NRXN3: variants seen among roughly 807,000 people sequenced by gnomAD.
The protein encoded by NRXN3 is neurexin 3.
In NRXN3, 32 loss-of-function variants were observed where a neutral mutation model predicts 137.6. The observed-to-expected ratio is 0.23, with a 90% CI of 0.18 to 0.31. NRXN3 has a LOEUF of 0.31. NRXN3 is among the 10% of genes least tolerant of loss of function. The pLI, the probability that NRXN3 is intolerant of heterozygous loss-of-function variation, is 1.00. For missense variants in NRXN3, 1,574 were observed against 2,062.5 expected (o/e 0.76, Z 4.59); for synonymous variants, 798 against 784.5 (o/e 1.02, Z -0.29).
intron 4 of NRXN3, among the ~76,000 whole-genome samples, chr14:78,302,106 A>G (rs1439074853): frequency 6.6e-6 from 1 of 152,162 alleles, no homozygotes; most frequent in African/African-American, 2.4e-5. Context: ...CTAGGACTCA[A>G]CTTTTCTGAT....
At chr14:79,151,242 T>C (rs372891525) in intron 15 of NRXN3, among the ~76,000 whole-genome samples, 15 of 152,096 alleles carry the variant, frequency 9.9e-5, no homozygotes, top group Middle Eastern at 3.4e-3. Flanking sequence ...GTGAGGTAAA[T>C]CTTCAGATTA....
At chr14:79,478,359 A>G (rs1476815923) in intron 16 of NRXN3, among the ~76,000 whole-genome samples, 2 of 151,964 alleles carry the variant, frequency 1.3e-5, no homozygotes, top group Non-Finnish European at 2.9e-5. Context: ...GTTGTTCCAG[A>G]GCTGTTTTTT....
chr14:79,829,464 A>G (rs953655729), intron 20 of NRXN3, among the ~76,000 whole-genome samples: 11 of 152,212 alleles, frequency 7.2e-5, no homozygotes, highest in Non-Finnish European at 1.5e-4. Context: ...TGCTGATTGC[A>G]TTGTGTAGGA....
At chr14:78,605,802 C>T (rs1387180568) in intron 4 of NRXN3, among the ~76,000 whole-genome samples, 2 of 152,126 alleles carry the variant, frequency 1.3e-5, no homozygotes, top group Non-Finnish European at 2.9e-5. Flanking sequence ...CTTCAGTTTT[C>T]ATTGGTGTAC....
chr14:78,526,046 G>A (rs1269065373), intron 4 of NRXN3, among the ~76,000 whole-genome samples: 1 of 152,192 alleles, frequency 6.6e-6, no homozygotes, highest in Non-Finnish European at 1.5e-5. Flanking sequence ...CAGGCCACAT[G>A]ATTGTGGGTC....
rs547229103 is a variant in NRXN3 at position 79,721,697 on chromosome 14, G to A, written c.4014+23760G>A. On this transcript the variant is annotated intron_variant, in intron 19 of 20. Coordinates refer to ENST00000335750, the MANE Select transcript of NRXN3 (RefSeq NM_001330195.2). ...AAGTGGCTGGCTATAAGCAAAGCAA[G>A]GGATTACTTAGGTAATTGGATTAAA... Among the ~76,000 whole-genome samples the A allele has an allele frequency of 3.7e-4, 57 of 152,274 alleles. 1 individual carries two copies. The highest frequency in any genetic ancestry group is 1.3e-3 in the African/African-American group (54 of 41,572).
intron 20 of NRXN3, among the ~76,000 whole-genome samples, chr14:79,848,923 A>G (rs2099386122): frequency 1.3e-5 from 2 of 152,222 alleles, no homozygotes; most frequent in East Asian, 3.8e-4. Flanking sequence ...TGGGTTCAGA[A>G]GAGCTAAAAC....
chr14:79,711,321 A>ATTGCTCAAAGC (rs1567973423), intron 19 of NRXN3, among the ~76,000 whole-genome samples: 1 of 152,182 alleles, frequency 6.6e-6, no homozygotes, highest in Admixed American at 6.5e-5. Flanking sequence ...TACTAGTTTC[A>ATTGCTCAAAGC]TTGCTCAAAG....
intron 15 of NRXN3, among the ~76,000 whole-genome samples, chr14:79,237,423 T>G (rs372911415): frequency 1.3e-5 from 2 of 151,778 alleles, no homozygotes; most frequent in African/African-American, 4.8e-5. Context: ...AAAATGCAAA[T>G]GAATACAACC....
At chr14:78,676,886 C>T (rs747367256) in intron 6 of NRXN3, among the ~76,000 whole-genome samples, 33 of 152,108 alleles carry the variant, frequency 2.2e-4, no homozygotes, top group Non-Finnish European at 3.7e-4. Flanking sequence ...TGCCTGTACT[C>T]TGTAAGTTGA....
At chr14:79,501,779 G>T (rs938939837) in intron 16 of NRXN3, among the ~76,000 whole-genome samples, 38 of 151,720 alleles carry the variant, frequency 2.5e-4, no homozygotes, top group African/African-American at 8.5e-4. Context: ...CGAGGTCAGG[G>T]ACTCTAAAAC....
chr14:79,392,324 T>G (rs774377151), intron 15 of NRXN3, among the ~76,000 whole-genome samples: 4 of 152,232 alleles, frequency 2.6e-5, no homozygotes, highest in Non-Finnish European at 5.9e-5. Context: ...GTACACGAAC[T>G]CATCCTTTTT....
chr14:78,467,236 A>C (rs951307669), intron 4 of NRXN3, among the ~76,000 whole-genome samples: 10 of 152,208 alleles, frequency 6.6e-5, no homozygotes, highest in African/African-American at 2.4e-4. Flanking sequence ...TTTAATTAAA[A>C]AAGAAATATT....
At chr14:78,424,063 T>C (rs1224674001) in intron 4 of NRXN3, among the ~76,000 whole-genome samples, 1 of 152,180 alleles carries the variant, frequency 6.6e-6, no homozygotes, top group African/African-American at 2.4e-5. Context: ...GCTCCCTCTT[T>C]GGATCAGAGT....
intron 10 of NRXN3, among the ~76,000 whole-genome samples, chr14:78,865,927 T>A (rs1281728907): frequency 6.6e-6 from 1 of 152,170 alleles, no homozygotes; most frequent in East Asian, 1.9e-4. Flanking sequence ...ATTGTTAAAT[T>A]ATCAAATATG....
In NRXN3 at chr14:78,282,774, C is replaced by A. The variant is rs138225704; in HGVS notation, c.727+4112C>A. On this transcript the variant is annotated intron_variant, in intron 3 of 20. Coordinates refer to ENST00000335750, the MANE Select transcript of NRXN3 (RefSeq NM_001330195.2). ...AGGGGACCTGATTATGTGTCCTGGG[C>A]CTTGCCCTGTCTCCAGGGAGCCACT... 6.6e-5 allele frequency among the ~76,000 whole-genome samples: 10 copies of A among 152,292 alleles called. No homozygotes were observed. In the East Asian group the frequency reaches 1.9e-3, roughly 29 times the overall value.
chr14:79,458,892 C>T (rs2096290160), intron 15 of NRXN3, among the ~76,000 whole-genome samples: 1 of 152,112 alleles, frequency 6.6e-6, no homozygotes, highest in Admixed American at 6.5e-5. Context: ...TCATGTAAAA[C>T]CACTGTCATT....
chr14:79,345,786 A>G (rs142662176), intron 15 of NRXN3, among the ~76,000 whole-genome samples: 10 of 152,284 alleles, frequency 6.6e-5, no homozygotes, highest in Non-Finnish European at 8.8e-5. Context: ...GCCATGATTG[A>G]AAGTTTTCTA....
At chr14:79,512,183 G>A (rs550912708) in intron 16 of NRXN3, among the ~76,000 whole-genome samples, 7 of 152,302 alleles carry the variant, frequency 4.6e-5, no homozygotes, top group African/African-American at 1.7e-4. Context: ...ACAGGCGAGA[G>A]CCACTGTGCC....
Sources: allele counts gnomAD v4.1 joint callset (sites outside exome capture counted in the v4.1 genomes callset), GRCh38; gene constraint gnomAD v4.1.1; transcripts MANE v1.5; gene names NCBI Gene and HGNC (gene_info 2026-07-23, HGNC 2026-07-21).